TRIOBP: variants seen among roughly 807,000 people sequenced by gnomAD.
TRIOBP encodes the protein TRIO and F-actin binding protein, also known as TRIO and F-actin-binding protein.
In TRIOBP, 169 loss-of-function variants were observed where a neutral mutation model predicts 238.8. The observed-to-expected ratio is 0.71, with a 90% confidence interval of 0.62 to 0.80. The LOEUF is 0.80. Ranked by LOEUF, TRIOBP falls within the 30% of genes least tolerant of loss-of-function variation. The pLI is 0.00. For missense variants in TRIOBP, 2,838 were observed against 3,122.6 expected (o/e 0.91, Z 2.17); for synonymous variants, 1,150 against 1,274.4 (o/e 0.90, Z 2.08).
At chr22:37,710,615 C>T (rs746635341) in intron 4 of TRIOBP, 49 bp downstream of exon 4, 2 of 1,579,704 alleles carry the variant, frequency 1.3e-6, no homozygotes, top group African/African-American at 2.7e-5. Context: ...GTGGAATGCC[C>T]TCACCCTTCC....
In TRIOBP at chr22:37,757,834, C is replaced by G; in HGVS notation, c.5909C>G (p.Ala1970Gly). ...CCAGCCCGCACTCCTGACCGCCTGG[C>G]CAAGCAGGAGGAGCTGGAGCGGGAC... The part of the protein sequence containing the change: ...RTPARTPDRL[A>G]KQEELERDLA... The change falls in exon 16 of 24, where the codon GCC (alanine) becomes GGC (glycine). Residue 1970 changes from alanine (A) to glycine (G), a missense_variant. Ala to Gly is a moderately conservative substitution (Grantham distance 60). This residue lies in a region of TRIOBP where 2,096 missense variants were observed against 2,137.4 expected (regional missense o/e 0.98). Transcript: ENST00000644935. The G allele has an allele frequency of 6.5e-7, 1 of 1,550,238 alleles. No homozygotes were observed. The highest frequency in any genetic ancestry group is 8.7e-7 in the Non-Finnish European group (1 of 1,146,712).
intron 5 of TRIOBP, among the ~76,000 whole-genome samples, chr22:37,715,459 C>T (rs2145824009): frequency 6.6e-6 from 1 of 152,304 alleles, no homozygotes; most frequent in South Asian, 2.1e-4. Context: ...TCTCCTGCCT[C>T]AGCTTCCCAA....
intron 3 of TRIOBP, among the ~76,000 whole-genome samples, chr22:37,705,145 C>G (rs771479859): frequency 6.6e-6 from 1 of 151,912 alleles, no homozygotes; most frequent in Non-Finnish European, 1.5e-5. Context: ...GAGGCCGAGA[C>G]GGGTGGATCA....
intron 21 of TRIOBP, among the ~76,000 whole-genome samples, chr22:37,770,023 C>T (rs757408495): frequency 7.9e-5 from 12 of 151,112 alleles, no homozygotes; most frequent in Admixed American, 5.3e-4. Flanking sequence ...CCACCACACC[C>T]GGCCTTAGTA....
chr22:37,759,528 G>A (rs1926131189), intron 17 of TRIOBP: 1 of 1,604,728 alleles, frequency 6.2e-7, no homozygotes, highest in South Asian at 1.1e-5. Flanking sequence ...TGGGATTTGA[G>A]CGAGGGTCCG....
rs1601651322 is a variant in TRIOBP, at chr22:37,749,125, T to C, written c.5323-2647T>C. On this transcript the variant is annotated intron_variant, in intron 11 of 23. Coordinates refer to ENST00000644935, the MANE Select transcript of TRIOBP (RefSeq NM_001039141.3). ...ATCCCAGCATTTTGGGAGGCTGAGG[T>C]GGATGGATCACTTGAGGTCAGGAGT... Among the ~76,000 whole-genome samples the C allele has an allele frequency of 2.6e-5, 4 of 151,926 alleles. No homozygotes were observed. The South Asian group carries it at 8.3e-4, about 32-fold the overall frequency.
intron 6 of TRIOBP, among the ~76,000 whole-genome samples, chr22:37,718,340 C>T (rs940412178): frequency 3.3e-5 from 5 of 152,240 alleles, no homozygotes; most frequent in Non-Finnish European, 7.3e-5. Context: ...AGTGGGAGCC[C>T]AGGCAGAGGA....
Position 37,754,956 on chromosome 22 carries a change from A to T in TRIOBP, c.5459A>T (p.Lys1820Ile). ...TTTGTGCTGACAGATTCAAGTCTCA[A>T]ATATTACAGAGACTCCACTGCTGAG... ...HWFVLTDSSL[K>I]YYRDSTAEEA... The change falls in exon 13 of 24, where the codon AAA (lysine) becomes ATA (isoleucine). Residue 1820 changes from lysine (K) to isoleucine (I), a missense_variant. This residue lies in a region of TRIOBP where 2,096 missense variants were observed against 2,137.4 expected (regional missense o/e 0.98). Transcript: ENST00000644935. The T allele has an allele frequency of 6.2e-7, 1 of 1,614,096 alleles. No individual in the cohort carries two copies. The highest frequency in any genetic ancestry group is 8.5e-7 in the Non-Finnish European group (1 of 1,179,996).
At position 37,723,393 on chromosome 22, in the gene TRIOBP, C is replaced by T. The variant is rs563131158; in HGVS notation, c.837C>T (p.Ser279=). The T allele has an allele frequency of 6.3e-5, 101 of 1,614,062 alleles. No individual in the cohort carries two copies. In the Middle Eastern group the frequency reaches 1.3e-3, roughly 21 times the overall value. ...AASTREIPRA[S]SPHRITQRDT... Reference sequence around the variant, plus strand: ...CTACACGTGAAATCCCCAGAGCCTCCTCTCCCCATCGAATCACCCAAAGGG... The same window carrying T: ...CTACACGTGAAATCCCCAGAGCCTCTTCTCCCCATCGAATCACCCAAAGGG... The change falls in exon 7 of 24, where the codon TCC becomes TCT. Residue 279 remains serine, a synonymous_variant. Coordinates refer to ENST00000644935, the MANE Select transcript of TRIOBP (RefSeq NM_001039141.3).
At chr22:37,738,746 T>A in intron 10 of TRIOBP, 27 bp downstream of exon 10, 1 of 1,611,776 alleles carries the variant, frequency 6.2e-7, no homozygotes, top group Non-Finnish European at 8.5e-7. Context: ...TGTGGGTACA[T>A]ACGGTGGGGA....
chr22:37,713,169 C>G, intron 4 of TRIOBP, 41 bp from the exon 5 acceptor site: 1 of 1,560,636 alleles, frequency 6.4e-7, no homozygotes, highest in South Asian at 1.1e-5. Context: ...GGGGGATGCT[C>G]CTAACTCCCC....
chr22:37,733,517 T>G (rs1366394157), intron 8 of TRIOBP, 105 bp downstream of exon 8: 1 of 900,794 alleles, frequency 1.1e-6, no homozygotes, highest in East Asian at 2.6e-5. Context: ...AGGTCCTCTA[T>G]GAAAGGGTCG....
In TRIOBP at chr22:37,723,259, C is replaced by T. The variant is rs371064828; in HGVS notation, c.703C>T (p.Arg235Trp). 1.3e-4 allele frequency: 211 copies of T among 1,613,994 alleles called. 1 individual carries two copies. In the South Asian group the frequency reaches 1.8e-3, roughly 14 times the overall value. ...LRGESGLSLE[R>W]HRSTLTQASS... ...GGGAGAAAGCGGGTTGTCCCTGGAG[C>T]GGCACCGGTCAACACTGACCCAGGC... Residue 235 changes from arginine (R) to tryptophan (W), a missense_variant, in exon 7 of 24, where the codon CGG becomes TGG. By Grantham distance (101) the Arg-to-Trp change is moderately radical (BLOSUM62 -3). Transcript: ENST00000644935.
chr22:37,745,527 G>T (rs886648417), intron 11 of TRIOBP, among the ~76,000 whole-genome samples: 24 of 152,150 alleles, frequency 1.6e-4, no homozygotes, highest in African/African-American at 5.8e-4. Flanking sequence ...TGAGCAACGG[G>T]TGCACGCCCA....
intron 12 of TRIOBP, among the ~76,000 whole-genome samples, chr22:37,753,485 G>A (rs1925738584): frequency 6.6e-6 from 1 of 152,142 alleles, no homozygotes; most frequent in Admixed American, 6.5e-5. Context: ...CTCCATGTTG[G>A]TCAGGCTGGT....
chr22:37,746,699 C>T (rs1002922005), intron 11 of TRIOBP, among the ~76,000 whole-genome samples: 5 of 152,274 alleles, frequency 3.3e-5, no homozygotes. Flanking sequence ...CCTCCTCACA[C>T]TTGCGGCACC....
In TRIOBP at chr22:37,723,341, C is replaced by T; in HGVS notation, c.785C>T (p.Ala262Val). ...PRSTTSQASPAQRDTAQAAST... is the reference protein window; with the variant it reads ...PRSTTSQASPVQRDTAQAAST... ...AGCACCACGTCTCAGGCTTCTCCTG[C>T]CCAAAGGGACACTGCTCAGGCTGCC... Residue 262 changes from alanine to valine, a missense_variant, in exon 7 of 24, where the codon GCC (alanine) becomes GTC (valine). Ala to Val is a moderately conservative substitution (Grantham distance 64, BLOSUM62 0). Around this residue, in one of 5 missense-constraint regions of TRIOBP, gnomAD observed 535 missense variants for 537.3 expected, o/e 1.00. Coordinates refer to ENST00000644935, the MANE Select transcript of TRIOBP (RefSeq NM_001039141.3). 6.2e-7 allele frequency: 1 copy of T among 1,614,110 alleles called. No homozygotes were observed. The highest frequency in any genetic ancestry group is 1.1e-5 in the South Asian group (1 of 91,086).
chr22:37,713,167 C>G (rs1156846147), intron 4 of TRIOBP, 43 bp from the exon 5 acceptor site: 3 of 1,548,460 alleles, frequency 1.9e-6, no homozygotes, highest in Non-Finnish European at 2.6e-6. Context: ...GTGGGGGATG[C>G]TCCTAACTCC....
intron 11 of TRIOBP, 81 bp from the exon 12 acceptor site, chr22:37,751,691 G>A: frequency 6.6e-7 from 1 of 1,507,302 alleles, no homozygotes; most frequent in Non-Finnish European, 9.2e-7. Flanking sequence ...TGGGGACAGG[G>A]TGGGTGCAGC....
Sources: gnomAD v4.1 joint callset for allele counts (sites outside exome capture counted in the v4.1 genomes callset) on GRCh38, gnomAD v4.1.1 for gene constraint, gnomAD v4.1.1 regional missense constraint, MANE v1.5 for transcripts, NCBI Gene and HGNC (gene_info 2026-07-23, HGNC 2026-07-21) for gene names.